Variants in MSI1 observed in about 807,000 individuals in gnomAD.
MSI1 encodes the protein musashi RNA binding protein 1.
In MSI1, 15 loss-of-function variants were observed where a neutral mutation model predicts 54.4. The observed-to-expected ratio is 0.28, with a 90% confidence interval of 0.18 to 0.42. MSI1 has a LOEUF of 0.42. Among genes scored for constraint, MSI1 ranks in the 20% least tolerant of loss-of-function variants. The probability of loss-of-function intolerance (pLI) is 1.00; values close to 1 mark genes in which losing one functional copy is unlikely to be tolerated. For synonymous variants in MSI1, 200 were observed against 196.5 expected (o/e 1.02, Z -0.15); for missense variants, 304 against 506.0 (o/e 0.60, Z 3.83).
intron 13 of MSI1, 93 bp from the exon 14 acceptor site, chr12:120,345,725 C>G (rs1874055397): frequency 1.7e-5 from 25 of 1,439,026 alleles, no homozygotes; most frequent in Non-Finnish European, 2.4e-5. Flanking sequence ...AAGTGAGGCG[C>G]TGACCTCTCT....
At chr12:120,343,266 C>T (rs1367079783) in intron 14 of MSI1, among the ~76,000 whole-genome samples, 161 bp from the exon 15 acceptor site, 7 of 151,732 alleles carry the variant, frequency 4.6e-5, no homozygotes, top group Admixed American at 3.3e-4. Context: ...GCAGTGACAG[C>T]GATCATAGTT....
rs1226839153 is a variant in MSI1, at chr12:120,368,020, G to A, written c.255C>T (p.Leu85=). ...GAGGGCCACTCACTGTTTTGGAGTC[G>A]AGCTCGTGCCGCGATTGCGCCAGCA... is the stretch of plus-strand genomic sequence containing the variant. ...DKVLAQSRHE[L]DSKTIDPKVA... is the part of the protein sequence containing the mutation. The change falls in exon 4 of 15, where the codon CTC becomes CTT. Residue 85 remains leucine, a synonymous_variant. Coordinates refer to ENST00000257552, the MANE Select transcript of MSI1 (RefSeq NM_002442.4). This position sits in a 1 kb window ranked among gnomAD's most constrained non-coding sequence, Gnocchi z 6.6. 6.2e-7 allele frequency: 1 copy of A among 1,612,174 alleles called. No individual in the cohort carries two copies. Among genetic ancestry groups the A allele is most frequent in the East Asian group, 2.2e-5 (1 of 44,824 alleles).
In MSI1 at chr12:120,342,617, A is replaced by G. The variant is rs1873759861; in HGVS notation, c.*510T>C. The G allele has an allele frequency of 6.8e-6, 1 of 147,292 alleles. No homozygotes were observed. The highest frequency in any genetic ancestry group is 1.5e-5 in the Non-Finnish European group (1 of 66,962). The allele number at this position is 147,292 out of a possible 1,614,324, so 9.1% of individuals were successfully genotyped here. A position where few individuals can be genotyped will look rare whatever the true frequency, so the allele number is the denominator to read the frequency against. ...CCCTGCGGCCTGGGGCTTCACATTC[A>G]CAAACCTAGAAATAGTTTAAAAAAG... On this transcript the variant is annotated 3_prime_UTR_variant, in exon 15 of 15. Transcript: ENST00000257552.
At position 120,342,429 on chromosome 12, in the gene MSI1, C is replaced by T. The variant is rs1873740186; in HGVS notation, c.*698G>A. The T allele has an allele frequency of 6.6e-6, 1 of 152,310 alleles. No homozygotes were observed. 9.4% of individuals were successfully genotyped at this position (152,310 alleles called of 1,614,324 possible). ...TCTTAGAGAGGGGTGGGCACATCAC[C>T]TCACAGTATTTACATATGATACAGG... On this transcript the variant is annotated 3_prime_UTR_variant, in exon 15 of 15. Coordinates refer to ENST00000257552, the MANE Select transcript of MSI1 (RefSeq NM_002442.4).
Position 120,368,917 on chromosome 12 carries a change from G to T in MSI1, c.60-44C>A, listed in dbSNP as rs1460497654. 8.9e-6 allele frequency: 12 copies of T among 1,350,188 alleles called. No homozygotes were observed. Among genetic ancestry groups the T allele is most frequent in the Admixed American group, 2.6e-5 (1 of 38,162 alleles). The allele number at this position is 1,350,188 out of a possible 1,614,324, so 83.6% of individuals were successfully genotyped here. On this transcript the variant is annotated intron_variant, in intron 1 of 14. Coordinates refer to ENST00000257552, the MANE Select transcript of MSI1 (RefSeq NM_002442.4). The surrounding 1 kb of genome is among the most constrained non-coding windows in gnomAD (Gnocchi z 6.6). ...CACAAAGGGCCCGCGTGAGCGCCGG[G>T]CGCCAGGGCGCAGGGGGCGCGGGCC...
At chr12:120,345,483 A>G (rs1874031951) in intron 14 of MSI1, 87 bp downstream of exon 14, 1 of 1,184,110 alleles carries the variant, frequency 8.4e-7, no homozygotes, top group Non-Finnish European at 1.2e-6. Context: ...TCTTGAGGGC[A>G]GGGATGGGGT....
chr12:120,346,078 TG>T, intron 13 of MSI1, 56 bp downstream of exon 13: 1 of 1,391,942 alleles, frequency 7.2e-7, no homozygotes, highest in Non-Finnish European at 9.5e-7. Flanking sequence ...TTCCCCAACT[TG>T]GGGGTCTCTC....
Position 120,346,353 on chromosome 12 carries a change from C to T in MSI1, c.860-31G>A, listed in dbSNP as rs1233343587. On this transcript the variant is annotated intron_variant, in intron 12 of 14. Coordinates refer to ENST00000257552, the MANE Select transcript of MSI1 (RefSeq NM_002442.4). ...AACCCAGAAAGAAGACGGTGATAGC[C>T]CTGGTGCCCTCTGCCACCCCACGGC... is the stretch of plus-strand genomic sequence containing the variant. The T allele has an allele frequency of 2.0e-6, 3 of 1,478,728 alleles. No individual in the cohort carries two copies. In the South Asian group the frequency reaches 4.1e-5, roughly 20 times the overall value. The allele number at this position is 1,478,728 out of a possible 1,614,324, so 91.6% of individuals were successfully genotyped here.
intron 9 of MSI1, among the ~76,000 whole-genome samples, chr12:120,355,781 A>G (rs2136946985): frequency 6.6e-6 from 1 of 152,288 alleles, no homozygotes; most frequent in African/African-American, 2.4e-5. Context: ...CATGTTAAAG[A>G]AAAAAGAAAA....
At chr12:120,362,643 T>C (rs938199590) in intron 6 of MSI1, among the ~76,000 whole-genome samples, 2 of 152,176 alleles carry the variant, frequency 1.3e-5, no homozygotes, top group Non-Finnish European at 2.9e-5. Flanking sequence ...ATTGCCTCCT[T>C]ATCATCCTCG....
chr12:120,344,844 T>A (rs1045952220), intron 14 of MSI1, among the ~76,000 whole-genome samples: 2 of 149,074 alleles, frequency 1.3e-5, no homozygotes, highest in Non-Finnish European at 3.0e-5. Flanking sequence ...TCGTCTCTGC[T>A]AAAAACAAAA....
intron 10 of MSI1, among the ~76,000 whole-genome samples, chr12:120,352,136 G>A (rs185237714): frequency 3.6e-4 from 55 of 151,728 alleles, no homozygotes; most frequent in African/African-American, 1.3e-3. Flanking sequence ...TCCCACCTCA[G>A]CCTCCTCAGT....
intron 6 of MSI1, among the ~76,000 whole-genome samples, chr12:120,359,812 G>A (rs1317934662): frequency 6.6e-6 from 1 of 151,934 alleles, no homozygotes; most frequent in African/African-American, 2.4e-5. Context: ...GTCACCTTTG[G>A]TATAAATCAG....
rs763290869 is a variant in MSI1 at position 120,346,242 on chromosome 12, C to T, written c.940G>A (p.Gly314Ser). ...TGGFLGTTSP[G>S]PMAELYGAAN... ...GCCCCGTAGAGCTCGGCCATGGGGC[C>T]GGGGCTGGTGGTCCCCAGGAAGCCC... Residue 314 changes from glycine (G) to serine (S), a missense_variant, in exon 13 of 15, where the codon GGC becomes AGC. Gly to Ser is a moderately conservative substitution (Grantham distance 56). Transcript: ENST00000257552. 19 of 1,594,978 alleles carry T rather than the reference C, an allele frequency of 1.2e-5. No homozygotes were observed. The Admixed American group carries it at 1.2e-4, about 10-fold the overall frequency.
intron 14 of MSI1, among the ~76,000 whole-genome samples, chr12:120,345,188 C>T (rs141524489): frequency 0.011 from 1,658 of 150,710 alleles, 44 homozygotes; most frequent in African/African-American, 0.039. Flanking sequence ...CCTGTCTCTA[C>T]AAAAAAAGTA....
intron 4 of MSI1, among the ~76,000 whole-genome samples, chr12:120,367,743 C>G (rs1876103347): frequency 6.6e-6 from 1 of 152,000 alleles, no homozygotes; most frequent in Non-Finnish European, 1.5e-5. Context: ...ATTAGTACTT[C>G]TAGGGAGAGG....
At position 120,368,927 on chromosome 12, in the gene MSI1, G is replaced by T. The variant is rs1362858517; in HGVS notation, c.60-54C>A. 4 of 1,323,016 alleles carry T rather than the reference G, an allele frequency of 3.0e-6. No homozygotes were observed. The highest frequency in any genetic ancestry group is 1.7e-5 in the South Asian group (1 of 57,918). The allele number at this position is 1,323,016 out of a possible 1,614,324, so 82.0% of individuals were successfully genotyped here. ...CCGCGTGAGCGCCGGGCGCCAGGGCGCAGGGGGCGCGGGCCCGGGCTCCGG... is the reference window on the plus strand; with the variant it reads ...CCGCGTGAGCGCCGGGCGCCAGGGCTCAGGGGGCGCGGGCCCGGGCTCCGG... On this transcript the variant is annotated intron_variant, in intron 1 of 14. Coordinates refer to ENST00000257552, the MANE Select transcript of MSI1 (RefSeq NM_002442.4). The surrounding 1 kb of genome is among the most constrained non-coding windows in gnomAD (Gnocchi z 6.6).
intron 12 of MSI1, among the ~76,000 whole-genome samples, 192 bp from the exon 13 acceptor site, chr12:120,346,514 A>G (rs1402878341): frequency 1.3e-5 from 2 of 150,868 alleles, no homozygotes; most frequent in African/African-American, 4.9e-5. Flanking sequence ...ATCTCGTCTG[A>G]CCACTCAGCA....
chr12:120,366,305 C>G (rs564754353), intron 4 of MSI1, among the ~76,000 whole-genome samples: 1 of 152,318 alleles, frequency 6.6e-6, no homozygotes, highest in East Asian at 1.9e-4. Context: ...CAGGCTCCCC[C>G]ACTGGAATCT....
Sources: allele counts gnomAD v4.1 joint callset (sites outside exome capture counted in the v4.1 genomes callset), GRCh38; gene constraint gnomAD v4.1.1; non-coding constraint Gnocchi (gnomAD v3.1); transcripts MANE v1.5; gene names NCBI Gene and HGNC (gene_info 2026-07-23, HGNC 2026-07-21).